Variants in CCDC88C observed in about 807,000 individuals in gnomAD.
CCDC88C encodes the protein coiled-coil and HOOK domain protein 88C.
CCDC88C carries 131 observed loss-of-function variants against 198.8 expected under a neutral mutation model. The observed-to-expected ratio is 0.66, with a 90% CI of 0.57 to 0.76. The LOEUF is 0.76. Among genes scored for constraint, CCDC88C ranks in the 30% least tolerant of loss-of-function variants. CCDC88C has a pLI of 0.00. For missense variants in CCDC88C, 2,553 were observed against 2,631.6 expected, an observed-to-expected ratio of 0.97 and a Z score of 0.65; for synonymous variants, 1,166 against 1,114.7, an observed-to-expected ratio of 1.05 and a Z score of -0.92.
intron 12 of CCDC88C, 60 bp from the exon 13 acceptor site, chr14:91,321,364 C>T: frequency 6.6e-7 from 1 of 1,515,032 alleles, no homozygotes; most frequent in Non-Finnish European, 8.9e-7. Context: ...CACTCTCTGC[C>T]CCAAGCTCCG....
intron 3 of CCDC88C, among the ~76,000 whole-genome samples, chr14:91,363,900 G>A (rs1277997834): frequency 6.6e-6 from 1 of 152,244 alleles, no homozygotes; most frequent in Non-Finnish European, 1.5e-5. Flanking sequence ...CCTCCCACGT[G>A]GCATCAGAAC....
chr14:91,315,941 C>T (rs577422107), intron 13 of CCDC88C, 154 bp from the exon 14 acceptor site: 12 of 695,962 alleles, frequency 1.7e-5, no homozygotes, highest in Admixed American at 5.5e-5. Context: ...ACTCCCCACA[C>T]CACAGCTGTC....
At chr14:91,364,833 G>C (rs1596116196) in intron 3 of CCDC88C, among the ~76,000 whole-genome samples, 1 of 152,184 alleles carries the variant, frequency 6.6e-6, no homozygotes. Context: ...AGAGTTCTAA[G>C]AACAGAACCA....
intron 2 of CCDC88C, among the ~76,000 whole-genome samples, chr14:91,415,354 C>T (rs561527549): frequency 3.7e-4 from 56 of 149,388 alleles, no homozygotes; most frequent in Non-Finnish European, 6.2e-4. Context: ...ACTTTTTTTC[C>T]TACACCCACA....
At chr14:91,406,240 G>T (rs1337634317) in intron 3 of CCDC88C, among the ~76,000 whole-genome samples, 1 of 152,224 alleles carries the variant, frequency 6.6e-6, no homozygotes, top group African/African-American at 2.4e-5. Context: ...ACCAACAGCA[G>T]AAGTCCTCCT....
chr14:91,283,626 AC>A, intron 25 of CCDC88C, 109 bp from the exon 26 acceptor site: 1 of 1,071,310 alleles, frequency 9.3e-7, no homozygotes. Flanking sequence ...GACCACAGAG[AC>A]AAAAGCGGGG....
At chr14:91,417,564 C>T (rs1450851495) in intron 1 of CCDC88C, 67 bp downstream of exon 1, 21 of 1,450,630 alleles carry the variant, frequency 1.4e-5, no homozygotes, top group Non-Finnish European at 1.8e-5. Flanking sequence ...GGGTCTGCGG[C>T]GTCCCGTCGC....
intron 3 of CCDC88C, among the ~76,000 whole-genome samples, chr14:91,402,278 A>G (rs1384816211): frequency 6.8e-6 from 1 of 146,868 alleles, no homozygotes; most frequent in Non-Finnish European, 1.6e-5. Flanking sequence ...TGTCTCAAAC[A>G]GCAACAACAA....
Position 91,273,698 on chromosome 14 carries a change from G to A in CCDC88C, c.5059-45C>T. On this transcript the variant is annotated intron_variant, in intron 29 of 29. Transcript: ENST00000389857. This position sits in a 1 kb window ranked among gnomAD's most constrained non-coding sequence, Gnocchi z 5.6. ...GGTTGGAGGTGGGCATGAGGGTTGGGTGGGTCCTTGGAGCCGCCTCCTGCG... is the reference window on the plus strand; with the variant it reads ...GGTTGGAGGTGGGCATGAGGGTTGGATGGGTCCTTGGAGCCGCCTCCTGCG... 7.1e-7 allele frequency: 1 copy of A among 1,409,832 alleles called. No homozygotes were observed. Among genetic ancestry groups the A allele is most frequent in the Non-Finnish European group, 9.3e-7 (1 of 1,075,482 alleles). 87.3% of individuals were successfully genotyped at this position (1,409,832 alleles called of 1,614,324 possible). A position where few individuals can be genotyped will look rare whatever the true frequency, so the allele number is the denominator to read the frequency against.
At chr14:91,393,605 G>T (rs1885659124) in intron 3 of CCDC88C, among the ~76,000 whole-genome samples, 4 of 152,116 alleles carry the variant, frequency 2.6e-5, no homozygotes, top group Admixed American at 2.6e-4. Context: ...TCTAAGCTTG[G>T]GATACTCGCC....
At chr14:91,360,558 T>C (rs1479915307) in intron 3 of CCDC88C, among the ~76,000 whole-genome samples, 1 of 152,228 alleles carries the variant, frequency 6.6e-6, no homozygotes, top group Non-Finnish European at 1.5e-5. Flanking sequence ...AAGTTATAAA[T>C]GAGGAGACTT....
intron 16 of CCDC88C, 128 bp downstream of exon 16, chr14:91,309,731 G>C (rs1424331674): frequency 6.5e-5 from 60 of 927,550 alleles, no homozygotes; most frequent in Non-Finnish European, 8.5e-5. Context: ...TGGGTTCAAG[G>C]AACCGCGTGA....
intron 10 of CCDC88C, among the ~76,000 whole-genome samples, chr14:91,328,508 G>A (rs914428391): frequency 2.6e-5 from 4 of 152,134 alleles, no homozygotes; most frequent in Non-Finnish European, 4.4e-5. Flanking sequence ...TTAAAGGCCC[G>A]ACCCAGCCCA....
chr14:91,332,347 G>A (rs1892873326), intron 10 of CCDC88C, among the ~76,000 whole-genome samples: 1 of 152,276 alleles, frequency 6.6e-6, no homozygotes, highest in Admixed American at 6.5e-5. Context: ...CCGCCCGCAC[G>A]CTTCCTCCTG....
chr14:91,338,130 G>C lies in CCDC88C; in HGVS notation c.925C>G (p.Arg309Gly). The C allele has an allele frequency of 1.2e-6, 2 of 1,613,854 alleles. No homozygotes were observed. Among genetic ancestry groups the C allele is most frequent in the Non-Finnish European group, 1.7e-6 (2 of 1,179,888 alleles). Residue 309 changes from arginine to glycine, a missense_variant, in exon 10 of 30, where the codon CGT becomes GGT. Arg to Gly is a moderately radical substitution (Grantham distance 125). Transcript: ENST00000389857. The surrounding 1 kb of genome is among the most constrained non-coding windows in gnomAD (Gnocchi z 4.8). ...IQLAADARSA[R>G]AYRDELDSLR... ...GAATCCAGCTCGTCTCGATAGGCAC[G>C]AGCAGACCGGGCGTCTGCCGCTAGC...
Position 91,294,336 on chromosome 14 carries a change from A to G in CCDC88C, c.3967-18T>C. ...GAGAGCAGCTAGAACACAGACCAAC[A>G]GCGTCTCAGACACCATGTGACCCGG... On this transcript the variant is annotated intron_variant, in intron 22 of 29. Coordinates refer to ENST00000389857, the MANE Select transcript of CCDC88C (RefSeq NM_001080414.4). 3.7e-6 allele frequency: 6 copies of G among 1,612,956 alleles called. No homozygotes were observed. Among genetic ancestry groups the G allele is most frequent in the Non-Finnish European group, 4.2e-6 (5 of 1,179,432 alleles).
intron 17 of CCDC88C, 71 bp downstream of exon 17, chr14:91,308,280 C>G: frequency 6.3e-7 from 1 of 1,576,340 alleles, no homozygotes; most frequent in Non-Finnish European, 8.7e-7. Context: ...CACTGCTATA[C>G]AGGTGAGGGG....
chr14:91,364,127 A>C (rs1468357000), intron 3 of CCDC88C, among the ~76,000 whole-genome samples: 4 of 152,252 alleles, frequency 2.6e-5, no homozygotes, highest in Non-Finnish European at 5.9e-5. Flanking sequence ...TTGAGGGACA[A>C]GGGACACACA....
In CCDC88C at chr14:91,416,620, C is replaced by T; in HGVS notation, c.161+118G>A. On this transcript the variant is annotated intron_variant, in intron 2 of 29. Coordinates refer to ENST00000389857, the MANE Select transcript of CCDC88C (RefSeq NM_001080414.4). ...AATACTGAGATACCAGCGTCTCCAC[C>T]TTCAGAGAACTACCCCCCACCCCAC... The T allele has an allele frequency of 4.0e-6, 3 of 757,674 alleles. No individual in the cohort carries two copies. The East Asian group carries it at 8.0e-5, about 20-fold the overall frequency. The allele number at this position is 757,674 out of a possible 1,614,324, so 46.9% of individuals were successfully genotyped here.
Sources: gnomAD v4.1 joint callset for allele counts (sites outside exome capture counted in the v4.1 genomes callset) on GRCh38, gnomAD v4.1.1 for gene constraint, Gnocchi (gnomAD v3.1) non-coding constraint, MANE v1.5 for transcripts, NCBI Gene and HGNC (gene_info 2026-07-23, HGNC 2026-07-21) for gene names.